The following ZMAT1 variants were observed in gnomAD, a reference collection of about 807,000 sequenced individuals.
ZMAT1 encodes the protein zinc finger matrin-type protein 1.
Under a neutral mutation model 18.5 loss-of-function variants are expected in ZMAT1, and 11 were observed. The observed-to-expected ratio is 0.59, with a 90% confidence interval of 0.37 to 0.98. The LOEUF (loss-of-function observed/expected upper bound fraction) is 0.98, where lower values mean the gene tolerates loss of function less well. ZMAT1 is among the 50% of genes least tolerant of loss of function. ZMAT1 has a pLI of 0.01. For synonymous variants in ZMAT1, 211 were observed against 176.4 expected, an observed-to-expected ratio of 1.20 and a Z score of -1.55; for missense variants, 525 against 496.2, an observed-to-expected ratio of 1.06 and a Z score of -0.55.
intron 2 of ZMAT1, among the ~76,000 whole-genome samples, chrX:101,899,560 G>C (rs1928075037): frequency 8.9e-6 from 1 of 111,828 alleles, no homozygotes; most frequent in African/African-American, 3.3e-5. Context: ...TACGATGTTT[G>C]ATTTTCCATT....
intron 5 of ZMAT1, among the ~76,000 whole-genome samples, chrX:101,885,474 C>A (rs1926864946): frequency 9.1e-6 from 1 of 110,222 alleles, no homozygotes; most frequent in Non-Finnish European, 1.9e-5. Flanking sequence ...CTGTACTGCA[C>A]TATGACGGAA....
intron 1 of ZMAT1, among the ~76,000 whole-genome samples, chrX:101,910,797 A>G (rs1928913546): frequency 8.9e-6 from 1 of 111,976 alleles, no homozygotes; most frequent in African/African-American, 3.2e-5. Context: ...TAGATTGAAA[A>G]AGGCAAATCT....
Position 101,898,101 on chromosome X carries a change from C to T in ZMAT1, c.501+18G>A, listed in dbSNP as rs751408064. ...ATAACTCAAAGTTTGGATTACAATA[C>T]CAACACACATCACTCACCTGAAAAT... is the stretch of plus-strand genomic sequence containing the variant. On this transcript the variant is annotated intron_variant, in intron 3 of 5. Transcript: ENST00000651725. The T allele has an allele frequency of 5.0e-6, 6 of 1,206,193 alleles. No homozygotes were observed. The highest frequency in any genetic ancestry group is 4.4e-5 in the Admixed American group (2 of 45,702).
intron 1 of ZMAT1, among the ~76,000 whole-genome samples, chrX:101,905,374 C>T (rs1239267636): frequency 1.8e-5 from 2 of 112,378 alleles, no homozygotes; most frequent in African/African-American, 6.5e-5. Flanking sequence ...TCTATAGTGT[C>T]ATCTAAAATT....
intron 1 of ZMAT1, among the ~76,000 whole-genome samples, chrX:101,925,132 G>A (rs1286976682): frequency 8.9e-6 from 1 of 112,398 alleles, no homozygotes; most frequent in Non-Finnish European, 1.9e-5. Flanking sequence ...AACTGCATGA[G>A]CAAGTGATGG....
At chrX:101,888,581 G>A (rs1327217379) in intron 4 of ZMAT1, 1 of 111,819 alleles carries the variant, frequency 8.9e-6, no homozygotes, top group Non-Finnish European at 1.9e-5. Flanking sequence ...CTTTACACAC[G>A]ATTTAACTGT....
chrX:101,897,750 T>C (rs1420287035), intron 4 of ZMAT1, 118 bp downstream of exon 4: 6 of 561,671 alleles, frequency 1.1e-5, no homozygotes, highest in African/African-American at 9.3e-5. Context: ...AGAAGAATAA[T>C]AATCAAGTTA....
intron 1 of ZMAT1, among the ~76,000 whole-genome samples, chrX:101,912,534 G>T (rs976933348): frequency 1.3e-4 from 15 of 111,748 alleles, no homozygotes. Context: ...ATTTTTGGGT[G>T]GGGGGGAAGT....
chrX:101,930,946 T>C (rs1226024759), intron 1 of ZMAT1, among the ~76,000 whole-genome samples: 1 of 112,103 alleles, frequency 8.9e-6, no homozygotes, highest in Non-Finnish European at 1.9e-5. Flanking sequence ...ACAGAACTTA[T>C]TAAAGCCAAA....
Position 101,884,678 on chromosome X carries a change from A to G in ZMAT1, c.920T>C (p.Leu307Ser), listed in dbSNP as rs142044704. ...CACTTCTCTGTATCTACGGGTTTCC[A>G]AAGAACTCTCTTCCATCTTTCTGAA... is the stretch of plus-strand genomic sequence containing the variant. Reference protein sequence around the residue: ...TCFRKMEESSLETRRYREVVD... With the variant: ...TCFRKMEESSSETRRYREVVD... Residue 307 changes from leucine (L) to serine (S), a missense_variant, in exon 6 of 6, where the codon TTG (leucine) becomes TCG (serine). Physicochemically the swap from Leu to Ser is moderately radical, Grantham distance 145. Coordinates refer to ENST00000651725, the MANE Select transcript of ZMAT1 (RefSeq NM_001394560.1). 707 of 1,208,534 alleles carry G rather than the reference A, an allele frequency of 5.9e-4. 9 individuals are homozygous for G. The African/African-American group carries it at 0.011, about 19-fold the overall frequency.
chrX:101,924,861 A>G (rs968267256), intron 1 of ZMAT1, among the ~76,000 whole-genome samples: 1 of 112,011 alleles, frequency 8.9e-6, no homozygotes, highest in Non-Finnish European at 1.9e-5. Flanking sequence ...ATATGGTCAT[A>G]TAACAAAACT....
chrX:101,890,032 T>C (rs1004128343), intron 4 of ZMAT1: 1 of 112,070 alleles, frequency 8.9e-6, no homozygotes, highest in African/African-American at 3.2e-5. Flanking sequence ...CTGTGATGGG[T>C]ACTATATATA....
chrX:101,921,095 T>C (rs1933004892), intron 1 of ZMAT1, among the ~76,000 whole-genome samples: 1 of 111,619 alleles, frequency 9.0e-6, no homozygotes, highest in African/African-American at 3.3e-5. Flanking sequence ...TCTCCGAAGT[T>C]GAGGCTAAAT....
Position 101,884,754 on chromosome X carries a change from C to T in ZMAT1, c.844G>A (p.Ala282Thr), listed in dbSNP as rs774127795. The change falls in exon 6 of 6, where the codon GCA becomes ACA. Residue 282 changes from alanine to threonine, a missense_variant. Ala to Thr is a moderately conservative substitution (Grantham distance 58). Coordinates refer to ENST00000651725, the MANE Select transcript of ZMAT1 (RefSeq NM_001394560.1). ...KTQDSYQNEC[A>T]DYINVQKARG... is the part of the protein sequence containing the mutation. ...GCTTTCTGCACATTGATGTAATCTG[C>T]ACACTCATTTTGGTAAGAGTCTTGT... 3.3e-6 allele frequency: 4 copies of T among 1,208,398 alleles called. No individual in the cohort carries two copies. The African/African-American group carries it at 5.3e-5, about 16-fold the overall frequency.
chrX:101,912,857 C>T (rs937641617), intron 1 of ZMAT1, among the ~76,000 whole-genome samples: 5 of 112,073 alleles, frequency 4.5e-5, no homozygotes, highest in African/African-American at 1.3e-4. Flanking sequence ...TGTAAAGCTG[C>T]TTCCATAGAG....
chrX:101,920,085 G>A (rs1037060961), intron 1 of ZMAT1, among the ~76,000 whole-genome samples: 13 of 107,195 alleles, frequency 1.2e-4, no homozygotes, highest in Non-Finnish European at 2.5e-4. Flanking sequence ...CTTTACTCGG[G>A]CTGGAGTGCA....
chrX:101,918,441 A>C, intron 1 of ZMAT1: 1 of 49,162 alleles, frequency 2.0e-5, no homozygotes, highest in African/African-American at 8.0e-5. Context: ...CATCTCTACT[A>C]AAATACACAC....
At chrX:101,898,575 A>T (rs186464841) in intron 2 of ZMAT1, among the ~76,000 whole-genome samples, 1 of 111,911 alleles carries the variant, frequency 8.9e-6, no homozygotes, top group East Asian at 2.8e-4. Context: ...GGTCAATAAG[A>T]TATAATTTGA....
intron 1 of ZMAT1, among the ~76,000 whole-genome samples, chrX:101,929,415 G>T (rs377437463): frequency 0.021 from 790 of 38,529 alleles, 10 homozygotes; most frequent in African/African-American, 0.06. Context: ...TCTATATATA[G>T]AGAGAGATTA....
Sources: gnomAD v4.1 joint callset for allele counts (sites outside exome capture counted in the v4.1 genomes callset) on GRCh38, gnomAD v4.1.1 for gene constraint, MANE v1.5 for transcripts, NCBI Gene and HGNC (gene_info 2026-07-23, HGNC 2026-07-21) for gene names.